GARIN5B: variants seen among roughly 807,000 people sequenced by gnomAD.
GARIN5B encodes Golgi-associated RAB2 interactor protein 5B.
the GARIN5B span, chr19:55,359,302 G>A: frequency 2.6e-6 from 4 of 1,550,988 alleles, no homozygotes; most frequent in African/African-American, 5.5e-5. Context: ...TTGGAGCAGT[G>A]GGGGACACAG....
chr19:55,361,412 G>T, the GARIN5B span: 1 of 1,521,290 alleles, frequency 6.6e-7, no homozygotes, highest in African/African-American at 1.4e-5. Flanking sequence ...CTGCTCACCT[G>T]CATGTCTGCT....
At chr19:55,361,271 C>G in the GARIN5B span, 1 of 1,549,040 alleles carries the variant, frequency 6.5e-7, no homozygotes, top group Non-Finnish European at 8.7e-7. Context: ...GGGTCAGGGA[C>G]CCCAGGGGAG....
At chr19:55,358,370 G>C in the GARIN5B span, 2 of 1,513,984 alleles carry the variant, frequency 1.3e-6, no homozygotes, top group Admixed American at 2.2e-5. Context: ...GAGGGTCTCC[G>C]AGAGGGGCGA....
chr19:55,363,162 A>C, the GARIN5B span: 118 of 1,292,024 alleles, frequency 9.1e-5, 2 homozygotes, highest in South Asian at 2.0e-3. The surrounding 1 kb of genome is among the most constrained non-coding windows in gnomAD (Gnocchi z 4.0). Flanking sequence ...GTGGGGCTTC[A>C]CGGGTGCCTG....
At chr19:55,362,448 G>A in the GARIN5B span, 1 of 1,550,156 alleles carries the variant, frequency 6.5e-7, no homozygotes, top group South Asian at 1.2e-5. Context: ...CGCAGCTTCA[G>A]GCGCCAGGCA....
chr19:55,362,289 C>A, the GARIN5B span: 1 of 1,548,662 alleles, frequency 6.5e-7, no homozygotes, highest in South Asian at 1.2e-5. Flanking sequence ...AGCGGCATAT[C>A]CAGGGGGGCC....
At chr19:55,360,723 GC>G in the GARIN5B span, 4 of 1,551,734 alleles carry the variant, frequency 2.6e-6, no homozygotes, top group East Asian at 9.8e-5. Flanking sequence ...GGTTGGCGGT[GC>G]TGGAAATGAT....
chr19:55,356,816 C>T, the GARIN5B span, among the ~76,000 whole-genome samples: 5 of 151,676 alleles, frequency 3.3e-5, no homozygotes, highest in African/African-American at 4.8e-5. Flanking sequence ...TTTGGGAGGC[C>T]GAGGTGGGCA....
the GARIN5B span, chr19:55,363,259 C>T: frequency 2.0e-6 from 1 of 497,026 alleles, no homozygotes. The surrounding 1 kb of genome is among the most constrained non-coding windows in gnomAD (Gnocchi z 4.0). Context: ...CAGCAGGGGT[C>T]TGGGGGAGGA....
At chr19:55,363,083 G>C in the GARIN5B span, 1 of 1,490,488 alleles carries the variant, frequency 6.7e-7, no homozygotes, top group Admixed American at 3.0e-5. This position sits in a 1 kb window ranked among gnomAD's most constrained non-coding sequence, Gnocchi z 4.0. Context: ...TGTGGTGGAT[G>C]GGTACTGGTT....
At chr19:55,360,993 C>T in the GARIN5B span, 21 of 1,550,574 alleles carry the variant, frequency 1.4e-5, no homozygotes, top group Middle Eastern at 1.7e-4. Context: ...CAAGACCCCA[C>T]GCCCACTTCT....
the GARIN5B span, among the ~76,000 whole-genome samples, chr19:55,355,764 T>C: frequency 6.6e-6 from 1 of 151,972 alleles, no homozygotes; most frequent in Non-Finnish European, 1.5e-5. Flanking sequence ...GGCGGGAGGA[T>C]TGCTTGAGTC....
chr19:55,358,770 T>C, the GARIN5B span: 1 of 1,549,490 alleles, frequency 6.5e-7, no homozygotes, highest in Admixed American at 2.0e-5. Context: ...ATCATGAGCT[T>C]GGTGAGGGTG....
At chr19:55,356,905 G>A in the GARIN5B span, among the ~76,000 whole-genome samples, 3 of 152,036 alleles carry the variant, frequency 2.0e-5, no homozygotes, top group Non-Finnish European at 4.4e-5. Flanking sequence ...ACAAAAATCA[G>A]CCGGGCGTGG....
the GARIN5B span, chr19:55,358,821 G>A: frequency 1.3e-6 from 2 of 1,546,514 alleles, no homozygotes; most frequent in South Asian, 2.4e-5. Flanking sequence ...TCCTGGGAGG[G>A]GCCCTCGACG....
the GARIN5B span, chr19:55,362,252 T>G: frequency 1.3e-6 from 2 of 1,533,206 alleles, no homozygotes; most frequent in Non-Finnish European, 1.8e-6. Flanking sequence ...CACCTGCAGG[T>G]GCCAGGTGGA....
At chr19:55,359,457 T>C in the GARIN5B span, 1 of 1,546,020 alleles carries the variant, frequency 6.5e-7, no homozygotes, top group Non-Finnish European at 8.7e-7. Flanking sequence ...GCTGGGGCCT[T>C]CTGGGATGGA....
the GARIN5B span, chr19:55,358,366 CT>C: frequency 6.6e-6 from 10 of 1,516,242 alleles, no homozygotes; most frequent in Non-Finnish European, 8.9e-6. Context: ...AGATGAGGGT[CT>C]CCGAGAGGGG....
chr19:55,357,319 C>A, the GARIN5B span, among the ~76,000 whole-genome samples: 1 of 152,158 alleles, frequency 6.6e-6, no homozygotes, highest in Non-Finnish European at 1.5e-5. Context: ...TGCTCCAAAC[C>A]CTCCAGCTCG....
Sources: gnomAD v4.1 joint callset for allele counts (sites outside exome capture counted in the v4.1 genomes callset) on GRCh38, gnomAD v4.1.1 for gene constraint, Gnocchi (gnomAD v3.1) non-coding constraint, MANE v1.5 for transcripts, NCBI Gene and HGNC (gene_info 2026-07-23, HGNC 2026-07-21) for gene names.